The following BCKDHB variants were observed in gnomAD, a reference collection of about 807,000 sequenced individuals.
BCKDHB encodes branched chain keto acid dehydrogenase E1 subunit beta.
Under a neutral mutation model 48.5 loss-of-function variants are expected in BCKDHB, and 41 were observed. The ratio of observed to expected loss-of-function variants is 0.85; its 90% CI spans 0.66 to 1.10. BCKDHB has a LOEUF of 1.10. Ranked by LOEUF, BCKDHB falls within the 50% of genes least tolerant of loss-of-function variation. The pLI is 0.00. For missense variants in BCKDHB, 496 were observed against 494.2 expected (o/e 1.00, Z -0.03); for synonymous variants, 201 against 174.8 (o/e 1.15, Z -1.18).
chr6:80,369,959 A>G, the BCKDHB span, among the ~76,000 whole-genome samples: 2 of 152,130 alleles, frequency 1.3e-5, no homozygotes, highest in Non-Finnish European at 2.9e-5. Context: ...TCTAATTTTG[A>G]GTTTCTCTCT....
chr6:80,229,404 T>G (rs1351570872), intron 8 of BCKDHB, among the ~76,000 whole-genome samples: 3 of 152,136 alleles, frequency 2.0e-5, no homozygotes, highest in African/African-American at 7.2e-5. Context: ...CATGATAGCA[T>G]GTGCAAAAGG....
chr6:80,396,479 G>A, the BCKDHB span, among the ~76,000 whole-genome samples: 1 of 152,222 alleles, frequency 6.6e-6, no homozygotes, highest in African/African-American at 2.4e-5. Flanking sequence ...GACTTTGCAA[G>A]ACTGTTGGGA....
In BCKDHB at chr6:80,343,800, A is replaced by G. The variant is rs547806898; in HGVS notation, c.1175A>G (p.Tyr392Cys). ...GATGCCCTTCGAAAAATGATCAACT[A>G]TTGACCATATAGGTAGGTATGCATC... ...CYDALRKMIN[Y>C] Residue 392 changes from tyrosine to cysteine, a missense_variant, in exon 10 of 10, where the codon TAT (tyrosine) becomes TGT (cysteine). Coordinates refer to ENST00000320393, the MANE Select transcript of BCKDHB (RefSeq NM_183050.4). The G allele has an allele frequency of 1.7e-5, 27 of 1,613,894 alleles. No homozygotes were observed. The Admixed American group carries it at 2.3e-4, about 14-fold the overall frequency.
the BCKDHB span, among the ~76,000 whole-genome samples, chr6:80,419,153 A>T: frequency 6.6e-6 from 1 of 152,214 alleles, no homozygotes; most frequent in African/African-American, 2.4e-5. Flanking sequence ...TCACGTGCTG[A>T]CAGGGCAAGG....
chr6:80,387,069 C>CA, the BCKDHB span, among the ~76,000 whole-genome samples: 1 of 152,154 alleles, frequency 6.6e-6, no homozygotes, highest in East Asian at 1.9e-4. Flanking sequence ...GACCACTGGA[C>CA]ATGCTCTGAG....
At chr6:80,424,722 A>T in the BCKDHB span, among the ~76,000 whole-genome samples, 1 of 152,204 alleles carries the variant, frequency 6.6e-6, no homozygotes, top group Non-Finnish European at 1.5e-5. Flanking sequence ...AGATATTGCA[A>T]CATGGTCTCC....
At chr6:80,416,607 C>A in the BCKDHB span, among the ~76,000 whole-genome samples, 2 of 151,918 alleles carry the variant, frequency 1.3e-5, 1 homozygote, top group Middle Eastern at 6.8e-3. Context: ...ATTTCTTAGT[C>A]TTGATTTCTA....
At chr6:80,451,031 TA>T in the BCKDHB span, among the ~76,000 whole-genome samples, 6 of 152,198 alleles carry the variant, frequency 3.9e-5, no homozygotes, top group Non-Finnish European at 5.9e-5. Flanking sequence ...AAAACCTGGT[TA>T]TTTTTTAGAG....
intron 3 of BCKDHB, among the ~76,000 whole-genome samples, chr6:80,133,159 A>C (rs1770715706): frequency 6.6e-6 from 1 of 152,194 alleles, no homozygotes; most frequent in Non-Finnish European, 1.5e-5. Context: ...TGAAATGAGA[A>C]CATCCCTGTT....
chr6:80,268,913 G>A (rs1210965104), intron 8 of BCKDHB, among the ~76,000 whole-genome samples: 2 of 152,000 alleles, frequency 1.3e-5, no homozygotes, highest in Non-Finnish European at 2.9e-5. Context: ...CATCAATTTG[G>A]AACATGCTAC....
intron 3 of BCKDHB, among the ~76,000 whole-genome samples, chr6:80,162,228 C>T (rs1172279681): frequency 1.3e-5 from 2 of 152,074 alleles, no homozygotes; most frequent in Non-Finnish European, 2.9e-5. Context: ...TTCTCCCATC[C>T]TTATTGTTAG....
chr6:80,388,878 G>A, the BCKDHB span, among the ~76,000 whole-genome samples: 2 of 152,196 alleles, frequency 1.3e-5, no homozygotes, highest in Non-Finnish European at 1.5e-5. Flanking sequence ...TTCCCAGTGG[G>A]CAGAACTTCG....
chr6:80,216,757 T>C lies in BCKDHB; in HGVS notation c.951+13545T>C, dbSNP rs751914048. On this transcript the variant is annotated intron_variant, in intron 8 of 9. Transcript: ENST00000320393. ...TGTTGACTTTCTGTTCTTTCTTTGA[T>C]GGCGTTTAACTCTCTCCCATTAAAC... Among the ~76,000 whole-genome samples, 5 of 152,344 alleles carry C rather than the reference T, an allele frequency of 3.3e-5. No individual in the cohort carries two copies. In the South Asian group the frequency reaches 1.0e-3, roughly 32 times the overall value.
In BCKDHB at chr6:80,280,787, G is replaced by A. The variant is rs553158678; in HGVS notation, c.1038+7566G>A. ...GTGATTAAACTAGGTGAGATTTGACGGTCTTCTAAACCAAGGACATGGGAG... is the reference window on the plus strand; with the variant it reads ...GTGATTAAACTAGGTGAGATTTGACAGTCTTCTAAACCAAGGACATGGGAG... On this transcript the variant is annotated intron_variant, in intron 9 of 9. Coordinates refer to ENST00000320393, the MANE Select transcript of BCKDHB (RefSeq NM_183050.4). Among the ~76,000 whole-genome samples, 4 of 152,210 alleles carry A rather than the reference G, an allele frequency of 2.6e-5. No homozygotes were observed. The East Asian group carries it at 5.8e-4, about 22-fold the overall frequency.
At chr6:80,168,848 T>C (rs1582275115) in intron 4 of BCKDHB, 27 bp from the exon 5 acceptor site, 1 of 1,611,482 alleles carries the variant, frequency 6.2e-7, no homozygotes, top group East Asian at 2.2e-5. Context: ...CATTGTGCCA[T>C]GCCCCGTCTT....
chr6:80,149,833 T>A (rs1363984174), intron 3 of BCKDHB, among the ~76,000 whole-genome samples: 12 of 39,766 alleles, frequency 3.0e-4, no homozygotes, highest in Non-Finnish European at 5.7e-4. Context: ...TGTTATGGGA[T>A]GGGGGGAGGG....
At chr6:80,129,322 TC>T in intron 3 of BCKDHB, 93 bp downstream of exon 3, 1 of 1,052,006 alleles carries the variant, frequency 9.5e-7, no homozygotes, top group Non-Finnish European at 1.5e-6. Flanking sequence ...TTTTGTCATA[TC>T]CCCATTGTAT....
intron 8 of BCKDHB, among the ~76,000 whole-genome samples, chr6:80,225,639 C>T (rs192716548): frequency 2.4e-3 from 368 of 152,226 alleles, no homozygotes; most frequent in African/African-American, 8.1e-3. Flanking sequence ...TGAAAGATTG[C>T]ATCCCTTGTC....
At chr6:80,320,177 AAT>A (rs1398437312) in intron 9 of BCKDHB, among the ~76,000 whole-genome samples, 14 of 152,314 alleles carry the variant, frequency 9.2e-5, no homozygotes, top group Admixed American at 3.3e-4. Flanking sequence ...TCATATTGTG[AAT>A]AGTAGCAAAT....
Sources: gnomAD v4.1 joint callset for allele counts (sites outside exome capture counted in the v4.1 genomes callset) on GRCh38, gnomAD v4.1.1 for gene constraint, MANE v1.5 for transcripts, NCBI Gene and HGNC (gene_info 2026-07-23, HGNC 2026-07-21) for gene names.